NTM: variants seen among roughly 807,000 people sequenced by gnomAD.
NTM encodes neurotrimin.
Under a neutral mutation model 42.1 loss-of-function variants are expected in NTM, and 13 were observed. That is an observed-to-expected ratio of 0.31 (90% CI 0.20 to 0.49). The LOEUF (loss-of-function observed/expected upper bound fraction) is 0.49. Ranked by LOEUF, NTM falls within the 20% of genes least tolerant of loss-of-function variation. NTM has a pLI of 0.99. For missense variants in NTM, 373 were observed against 452.8 expected (o/e 0.82, Z 1.60); for synonymous variants, 187 against 179.2 (o/e 1.04, Z -0.35).
chr11:131,509,038 T>TAAA (rs1555135309), intron 1 of NTM, among the ~76,000 whole-genome samples: 1 of 147,558 alleles, frequency 6.8e-6, no homozygotes, highest in Non-Finnish European at 1.5e-5. Context: ...AGTATAATAA[T>TAAA]AAAAAATAAT....
chr11:131,374,294 C>G (rs1336029537), intron 1 of NTM, among the ~76,000 whole-genome samples: 1 of 152,204 alleles, frequency 6.6e-6, no homozygotes, highest in Non-Finnish European at 1.5e-5. Flanking sequence ...GAGGCCACCC[C>G]ACCAATGGGG....
At chr11:132,086,167 A>G (rs1438105635) in intron 2 of NTM, among the ~76,000 whole-genome samples, 1 of 152,060 alleles carries the variant, frequency 6.6e-6, no homozygotes, top group Non-Finnish European at 1.5e-5. Flanking sequence ...TACTAAAAAT[A>G]CAAAAAATTA....
chr11:132,007,354 A>G (rs1487070373), intron 2 of NTM, among the ~76,000 whole-genome samples: 2 of 152,154 alleles, frequency 1.3e-5, no homozygotes, highest in Non-Finnish European at 2.9e-5. Context: ...TAAGAGCACA[A>G]ATAAGACCGC....
At chr11:131,849,175 G>A (rs1379997271) in intron 1 of NTM, among the ~76,000 whole-genome samples, 1 of 152,210 alleles carries the variant, frequency 6.6e-6, no homozygotes, top group East Asian at 1.9e-4. Flanking sequence ...TAGTGACGTA[G>A]ATCCTGCTCC....
chr11:131,729,864 T>C (rs1186998666), intron 1 of NTM, among the ~76,000 whole-genome samples: 3 of 152,250 alleles, frequency 2.0e-5, no homozygotes, highest in Non-Finnish European at 4.4e-5. Context: ...TTTGGAATAG[T>C]TCTACTTTTT....
intron 1 of NTM, among the ~76,000 whole-genome samples, chr11:131,558,437 C>T (rs1322160316): frequency 6.6e-6 from 1 of 152,104 alleles, no homozygotes; most frequent in Non-Finnish European, 1.5e-5. Flanking sequence ...TTTATATAAT[C>T]CTCCTGGTTT....
chr11:131,438,908 C>T (rs554286575), intron 1 of NTM, among the ~76,000 whole-genome samples: 6 of 152,320 alleles, frequency 3.9e-5, no homozygotes, highest in Admixed American at 2.6e-4. Flanking sequence ...GGTTTCTCCT[C>T]ATCTTTGTGG....
At chr11:131,594,392 G>A (rs1363583340) in intron 1 of NTM, among the ~76,000 whole-genome samples, 1 of 151,904 alleles carries the variant, frequency 6.6e-6, no homozygotes, top group East Asian at 1.9e-4. Context: ...TATAACAAAA[G>A]GAAAGTTTAC....
At chr11:131,789,912 CG>C (rs1347426030) in intron 1 of NTM, among the ~76,000 whole-genome samples, 8 of 140,102 alleles carry the variant, frequency 5.7e-5, no homozygotes, top group Non-Finnish European at 1.2e-4. Flanking sequence ...GCCGAGATCG[CG>C]CCACTGCACT....
chr11:131,405,945 G>A (rs1945766929), intron 1 of NTM, among the ~76,000 whole-genome samples: 1 of 152,096 alleles, frequency 6.6e-6, no homozygotes, highest in Non-Finnish European at 1.5e-5. Context: ...GCTGCTGCTG[G>A]CTGCATTCCA....
At chr11:132,286,669 A>G (rs932798799) in intron 4 of NTM, among the ~76,000 whole-genome samples, 2 of 152,196 alleles carry the variant, frequency 1.3e-5, no homozygotes, top group African/African-American at 4.8e-5. Flanking sequence ...TCGAATATGC[A>G]TGAGCCCACC....
chr11:132,310,695 A>G (rs549207437), intron 6 of NTM, among the ~76,000 whole-genome samples: 3 of 152,282 alleles, frequency 2.0e-5, no homozygotes, highest in African/African-American at 4.8e-5. Context: ...GTAGCGGTGT[A>G]TAAGAGTCCA....
At chr11:132,100,911 A>G (rs577063300) in intron 2 of NTM, among the ~76,000 whole-genome samples, 3 of 152,334 alleles carry the variant, frequency 2.0e-5, no homozygotes, top group East Asian at 3.9e-4. Flanking sequence ...GAAATTTGAC[A>G]GCTTTTTCCA....
chr11:131,749,097 G>A (rs2135674720), intron 1 of NTM, among the ~76,000 whole-genome samples: 1 of 152,334 alleles, frequency 6.6e-6, no homozygotes, highest in African/African-American at 2.4e-5. Context: ...TGAAACAGGA[G>A]TGGGCACTGG....
intron 1 of NTM, among the ~76,000 whole-genome samples, chr11:131,392,595 C>T (rs180927169): frequency 2.0e-5 from 3 of 152,316 alleles, no homozygotes; most frequent in Non-Finnish European, 2.9e-5. Flanking sequence ...TTATAAGCTT[C>T]GCCTCCTGGA....
chr11:131,622,037 G>A (rs913984986), intron 1 of NTM, among the ~76,000 whole-genome samples: 11 of 152,162 alleles, frequency 7.2e-5, no homozygotes, highest in South Asian at 4.1e-4. Flanking sequence ...GAAGGGTCCC[G>A]TGGCTGTGGT....
intron 2 of NTM, among the ~76,000 whole-genome samples, chr11:131,929,842 G>T (rs2058404648): frequency 6.6e-6 from 1 of 152,188 alleles, no homozygotes; most frequent in Non-Finnish European, 1.5e-5. Flanking sequence ...TGTGATCAAA[G>T]GCTCAGCTAC....
At chr11:131,473,440 T>TCA (rs1952637310) in intron 1 of NTM, among the ~76,000 whole-genome samples, 1 of 152,158 alleles carries the variant, frequency 6.6e-6, no homozygotes, top group African/African-American at 2.4e-5. Context: ...ACTCATGCAT[T>TCA]TTTTTAAGCT....
intron 2 of NTM, among the ~76,000 whole-genome samples, chr11:131,956,649 A>G (rs1480575384): frequency 6.6e-6 from 1 of 151,560 alleles, no homozygotes; most frequent in Non-Finnish European, 1.5e-5. Context: ...AACTGTCTGC[A>G]TGGACCCTTC....
Sources: gnomAD v4.1 joint callset for allele counts (sites outside exome capture counted in the v4.1 genomes callset) on GRCh38, gnomAD v4.1.1 for gene constraint, MANE v1.5 for transcripts, NCBI Gene and HGNC (gene_info 2026-07-23, HGNC 2026-07-21) for gene names.